The following IDE variants were observed in gnomAD, a reference collection of about 807,000 sequenced individuals.
IDE encodes insulin-degrading enzyme.
IDE carries 58 observed loss-of-function variants against 133.2 expected under a neutral mutation model. The observed-to-expected ratio is 0.44, with a 90% confidence interval of 0.35 to 0.54. The LOEUF (loss-of-function observed/expected upper bound fraction) is 0.54, where lower values mean the gene tolerates loss of function less well. IDE is among the 20% of genes least tolerant of loss of function. The pLI is 0.00. For synonymous variants in IDE, 396 were observed against 421.3 expected, an observed-to-expected ratio of 0.94 and a Z score of 0.73; for missense variants, 981 against 1,234.0, an observed-to-expected ratio of 0.79 and a Z score of 3.07.
chr10:92,476,804 T>C (rs1353985287), intron 15 of IDE, among the ~76,000 whole-genome samples: 2 of 152,182 alleles, frequency 1.3e-5, no homozygotes, highest in African/African-American at 2.4e-5. Context: ...GAATATCTAA[T>C]GAAAGGCAGA....
At chr10:92,554,847 T>C (rs906481413) in intron 1 of IDE, 3 of 151,398 alleles carry the variant, frequency 2.0e-5, no homozygotes, top group Non-Finnish European at 4.4e-5. Context: ...AAGAGCAAAA[T>C]TCCATCTCAA....
chr10:92,490,470 A>G (rs1029376483), intron 12 of IDE, 23 bp downstream of exon 12: 9 of 1,392,170 alleles, frequency 6.5e-6, no homozygotes, highest in Non-Finnish European at 2.0e-6. Context: ...TGTCAGGCTT[A>G]TTCATAGATG....
At chr10:92,470,374 C>A (rs373391109) in intron 17 of IDE, 29 bp from the exon 18 acceptor site, 11 of 1,435,816 alleles carry the variant, frequency 7.7e-6, no homozygotes, top group Non-Finnish European at 2.9e-6. Flanking sequence ...ACATAGTGAG[C>A]GCTACCTATG....
chr10:92,454,667 T>C, intron 24 of IDE, 128 bp from the exon 25 acceptor site: 1 of 670,254 alleles, frequency 1.5e-6, no homozygotes, highest in Non-Finnish European at 2.7e-6. Flanking sequence ...TGTTTTGGCT[T>C]GAGGCCGCTC....
chr10:92,570,916 G>A (rs752833951), intron 1 of IDE, among the ~76,000 whole-genome samples: 5 of 150,952 alleles, frequency 3.3e-5, no homozygotes, highest in South Asian at 2.1e-4. Flanking sequence ...ACCCTGTCTC[G>A]AACTTTAAAA....
intron 1 of IDE, among the ~76,000 whole-genome samples, chr10:92,557,551 T>C (rs1041272447): frequency 3.3e-5 from 5 of 151,254 alleles, no homozygotes. Context: ...TACAGATTAA[T>C]GGAACAGAAC....
chr10:92,455,212 G>A (rs1311648234), intron 24 of IDE, among the ~76,000 whole-genome samples: 2 of 152,118 alleles, frequency 1.3e-5, no homozygotes, highest in Admixed American at 6.6e-5. Context: ...ACAGTGTCTC[G>A]TGCCTGTAAT....
At chr10:92,474,646 T>C (rs560442145) in intron 17 of IDE, 195 bp downstream of exon 17, 3 of 485,016 alleles carry the variant, frequency 6.2e-6, no homozygotes, top group South Asian at 5.3e-5. Context: ...ATATCTTCCT[T>C]CTACCTATTT....
At chr10:92,472,941 ATTTT>A (rs535455118) in intron 17 of IDE, among the ~76,000 whole-genome samples, 1 of 121,712 alleles carries the variant, frequency 8.2e-6, no homozygotes, top group Non-Finnish European at 1.7e-5. Flanking sequence ...CCAGCCCAGA[ATTTT>A]TTTTTTTTTT....
chr10:92,542,410 C>T (rs1842351902), intron 1 of IDE, among the ~76,000 whole-genome samples: 2 of 152,254 alleles, frequency 1.3e-5, no homozygotes, highest in Admixed American at 1.3e-4. Flanking sequence ...CCGCCTTGGC[C>T]TCCCAAAGTT....
chr10:92,514,783 T>G (rs1334291526), intron 5 of IDE, 137 bp downstream of exon 5: 1 of 641,546 alleles, frequency 1.6e-6, no homozygotes, highest in South Asian at 3.0e-5. Flanking sequence ...CTATGTATTC[T>G]CTAACAAGTA....
rs1017343562 is a variant in IDE, at chr10:92,452,797, G to A, written c.*1647C>T. ...TATACTTGCAGTTTAATGAAAAGCT[G>A]CATAGTCTACAAATACATAAAACCA... On this transcript the variant is annotated 3_prime_UTR_variant, in exon 25 of 25. Coordinates refer to ENST00000265986, the MANE Select transcript of IDE (RefSeq NM_004969.4). 6.6e-6 allele frequency: 1 copy of A among 152,140 alleles called. No individual in the cohort carries two copies. The highest frequency in any genetic ancestry group is 1.9e-4 in the East Asian group (1 of 5,200). 9.4% of individuals were successfully genotyped at this position (152,140 alleles called of 1,614,324 possible). A position where few individuals can be genotyped will look rare whatever the true frequency, so the allele number is the denominator to read the frequency against.
At chr10:92,495,880 G>GT (rs1419821472) in intron 11 of IDE, among the ~76,000 whole-genome samples, 2 of 151,080 alleles carry the variant, frequency 1.3e-5, no homozygotes, top group African/African-American at 4.9e-5. Flanking sequence ...CATTTTTTAA[G>GT]TGTTTTTTTT....
At chr10:92,508,639 T>A in intron 7 of IDE, 89 bp downstream of exon 7, 2 of 1,221,652 alleles carry the variant, frequency 1.6e-6, no homozygotes, top group African/African-American at 1.5e-5. Flanking sequence ...TCTAACAATG[T>A]TCCTTCATAG....
At chr10:92,455,257 C>CTTAA (rs1554829730) in intron 24 of IDE, among the ~76,000 whole-genome samples, 3 of 152,060 alleles carry the variant, frequency 2.0e-5, no homozygotes, top group Non-Finnish European at 4.4e-5. Context: ...AGGTGGATCA[C>CTTAA]TTGAGGTCAG....
chr10:92,460,994 C>A (rs1161604587), intron 22 of IDE, among the ~76,000 whole-genome samples, 197 bp downstream of exon 22: 1 of 152,218 alleles, frequency 6.6e-6, no homozygotes, highest in South Asian at 2.1e-4. Flanking sequence ...GCGTATGCCA[C>A]TACGCCCAGC....
chr10:92,526,134 A>C (rs865796997), intron 4 of IDE, among the ~76,000 whole-genome samples: 1 of 151,410 alleles, frequency 6.6e-6, no homozygotes, highest in African/African-American at 2.4e-5. Context: ...GCCTGGGAGA[A>C]AGAGCGGGAC....
intron 11 of IDE, among the ~76,000 whole-genome samples, chr10:92,502,571 A>G (rs930875993): frequency 2.0e-5 from 3 of 152,204 alleles, no homozygotes; most frequent in African/African-American, 7.2e-5. Context: ...TTTTCTACAT[A>G]TGCAATTATG....
intron 1 of IDE, among the ~76,000 whole-genome samples, chr10:92,555,437 C>T (rs1407265961): frequency 2.0e-5 from 3 of 146,478 alleles, no homozygotes; most frequent in South Asian, 2.1e-4. Flanking sequence ...GCGGAGGTTG[C>T]GGTGAGCCGT....
Sources: allele counts gnomAD v4.1 joint callset (sites outside exome capture counted in the v4.1 genomes callset), GRCh38; gene constraint gnomAD v4.1.1; transcripts MANE v1.5; gene names NCBI Gene and HGNC (gene_info 2026-07-23, HGNC 2026-07-21).